WFDC11: variants seen among roughly 807,000 people sequenced by gnomAD.
WFDC11 encodes the protein protein WFDC11.
A neutral mutation model predicts 9.9 loss-of-function variants in WFDC11; 9 were observed. The ratio of observed to expected loss-of-function variants is 0.91; its 90% confidence interval spans 0.55 to 1.58. The LOEUF (loss-of-function observed/expected upper bound fraction) is 1.58, where lower values mean the gene tolerates loss of function less well. WFDC11 is among the 40% of genes most tolerant of loss of function. The probability of loss-of-function intolerance (pLI) is 0.00; values close to 1 mark genes in which losing one functional copy is unlikely to be tolerated. For synonymous variants in WFDC11, 32 were observed against 33.3 expected, an observed-to-expected ratio of 0.96 and a Z score of 0.13; for missense variants, 106 against 101.7, an observed-to-expected ratio of 1.04 and a Z score of -0.18.
intron 2 of WFDC11, among the ~76,000 whole-genome samples, chr20:45,664,743 C>A (rs1186761862): frequency 1.3e-5 from 2 of 152,182 alleles, no homozygotes; most frequent in East Asian, 3.8e-4. Flanking sequence ...TGATTATTGG[C>A]TCCCACTCTC....
intron 2 of WFDC11, among the ~76,000 whole-genome samples, chr20:45,663,350 A>G (rs183323946): frequency 4.6e-5 from 7 of 151,836 alleles, no homozygotes; most frequent in Admixed American, 4.6e-4. Flanking sequence ...TGGTCTATCA[A>G]TTTTGTTAAT....
At chr20:45,661,767 A>C (rs990572894) in intron 2 of WFDC11, among the ~76,000 whole-genome samples, 1 of 152,040 alleles carries the variant, frequency 6.6e-6, no homozygotes, top group Non-Finnish European at 1.5e-5. Flanking sequence ...GTTCTGTTCC[A>C]TTGATCTATA....
intron 2 of WFDC11, among the ~76,000 whole-genome samples, chr20:45,652,555 C>T (rs1982831946): frequency 6.6e-6 from 1 of 152,204 alleles, no homozygotes; most frequent in African/African-American, 2.4e-5. Context: ...GACAGCTCCT[C>T]ACCAGCAATG....
intron 3 of WFDC11, among the ~76,000 whole-genome samples, chr20:45,650,226 A>ACG (rs1982772152): frequency 7.5e-6 from 1 of 132,940 alleles, no homozygotes; most frequent in South Asian, 2.3e-4. Context: ...ACACACACAC[A>ACG]CACATGTGTT....
At position 45,649,397 on chromosome 20, in the gene WFDC11, TC is replaced by T; in HGVS notation, c.102del (p.Lys35ArgfsTer45). 1.2e-6 allele frequency: 2 copies of T among 1,613,716 alleles called. No homozygotes were observed. The highest frequency in any genetic ancestry group is 1.7e-6 in the Non-Finnish European group (2 of 1,179,974). On this transcript the variant is annotated frameshift_variant and splice_region_variant, in exon 4 of 5. Transcript: ENST00000324384. LOFTEE classifies it high-confidence loss of function. ...CAGCATTCTTCAAGTAACAATTCCT[TC>T]CCTGAAATTGAGATGAGATGGTCAA... ...LGEMRKKRYDRKELLLEECWG... is the reference protein window; with the variant it reads ...LGEMRKKRYDXKELLLEECWG...
At chr20:45,668,989 G>C (rs145796853) in intron 1 of WFDC11, among the ~76,000 whole-genome samples, 1 of 151,976 alleles carries the variant, frequency 6.6e-6, no homozygotes, top group East Asian at 1.9e-4. Context: ...ATAATGTTTA[G>C]GCTATACTTG....
intron 1 of WFDC11, among the ~76,000 whole-genome samples, chr20:45,668,752 C>T (rs1329858699): frequency 6.6e-6 from 1 of 152,004 alleles, no homozygotes; most frequent in Non-Finnish European, 1.5e-5. Context: ...TCCTGTACTC[C>T]TAAATATTTT....
At chr20:45,650,247 TAGAGAGAGAGAGAGAG>T (rs1555803261) in intron 3 of WFDC11, among the ~76,000 whole-genome samples, 1 of 148,826 alleles carries the variant, frequency 6.7e-6, no homozygotes, top group Non-Finnish European at 1.5e-5. Context: ...TGTATATATA[TAGAGAGAGAGAGAGAG>T]AGACAGAGAG....
intron 2 of WFDC11, among the ~76,000 whole-genome samples, chr20:45,661,003 C>A (rs1219475354): frequency 2.6e-5 from 4 of 152,144 alleles, no homozygotes; most frequent in Non-Finnish European, 5.9e-5. Flanking sequence ...CTGACTTCCA[C>A]AATGGTTGAA....
chr20:45,667,933 A>G (rs1983220290), intron 1 of WFDC11, among the ~76,000 whole-genome samples: 1 of 152,242 alleles, frequency 6.6e-6, no homozygotes, highest in African/African-American at 2.4e-5. Flanking sequence ...TGAGTCAAAT[A>G]TTTAACATGT....
chr20:45,660,825 A>G (rs542218490), intron 2 of WFDC11, among the ~76,000 whole-genome samples: 8 of 152,212 alleles, frequency 5.3e-5, no homozygotes, highest in Non-Finnish European at 1.2e-4. Flanking sequence ...ATTGTTGGAC[A>G]TTTGGCTCGG....
At chr20:45,654,764 C>A (rs1982885947) in intron 2 of WFDC11, among the ~76,000 whole-genome samples, 1 of 152,106 alleles carries the variant, frequency 6.6e-6, no homozygotes, top group Non-Finnish European at 1.5e-5. Context: ...ACACCGATCC[C>A]ACAGAAATAC....
At chr20:45,655,087 C>T (rs1982896220) in intron 2 of WFDC11, among the ~76,000 whole-genome samples, 2 of 152,162 alleles carry the variant, frequency 1.3e-5, no homozygotes, top group South Asian at 4.1e-4. Flanking sequence ...TTTTATGAGG[C>T]CAGCATCATC....
chr20:45,668,645 AT>A (rs1413816892), intron 1 of WFDC11, among the ~76,000 whole-genome samples: 1 of 152,220 alleles, frequency 6.6e-6, no homozygotes, highest in Non-Finnish European at 1.5e-5. Flanking sequence ...ACATTTGTGC[AT>A]ATATTCTAGT....
At chr20:45,650,780 T>C in intron 2 of WFDC11, 129 bp from the exon 3 acceptor site, 1 of 529,174 alleles carries the variant, frequency 1.9e-6, no homozygotes, top group Non-Finnish European at 3.3e-6. Context: ...CTGGCACACC[T>C]AAGCTGAGCG....
intron 2 of WFDC11, among the ~76,000 whole-genome samples, chr20:45,664,155 A>C (rs1983136317): frequency 6.6e-6 from 1 of 152,172 alleles, no homozygotes; most frequent in South Asian, 2.1e-4. Context: ...TTCTTGTTGA[A>C]TTGATCCCTT....
At chr20:45,650,761 AC>A in intron 2 of WFDC11, 110 bp from the exon 3 acceptor site, 1 of 599,666 alleles carries the variant, frequency 1.7e-6, no homozygotes, top group South Asian at 2.3e-5. Context: ...GCCTCTGCCT[AC>A]CCAACAACTG....
At chr20:45,668,057 A>G (rs527592873) in intron 1 of WFDC11, among the ~76,000 whole-genome samples, 1 of 152,344 alleles carries the variant, frequency 6.6e-6, no homozygotes, top group East Asian at 1.9e-4. Flanking sequence ...CACACAGCCA[A>G]TAAGTGGTAG....
intron 2 of WFDC11, among the ~76,000 whole-genome samples, chr20:45,651,885 G>T (rs1214077472): frequency 6.6e-6 from 1 of 151,186 alleles, no homozygotes; most frequent in African/African-American, 2.5e-5. Context: ...AGCGAGGCTG[G>T]GGGAGGGGCA....
Sources: gnomAD v4.1 joint callset for allele counts (sites outside exome capture counted in the v4.1 genomes callset) on GRCh38, gnomAD v4.1.1 for gene constraint, MANE v1.5 for transcripts, NCBI Gene and HGNC (gene_info 2026-07-23, HGNC 2026-07-21) for gene names.